Variants in AR observed in about 807,000 individuals in gnomAD.
AR encodes androgen receptor, also known as dihydrotestosterone receptor.
In AR, 8 loss-of-function variants were observed where a neutral mutation model predicts 53.9. That is an observed-to-expected ratio of 0.15 (90% CI 0.09 to 0.27). The LOEUF is 0.27. Ranked by LOEUF, AR falls within the 10% of genes least tolerant of loss-of-function variation. AR has a pLI of 1.00. For missense variants in AR, 639 were observed against 742.5 expected (o/e 0.86, Z 1.62); for synonymous variants, 359 against 316.4 (o/e 1.13, Z -1.43).
chrX:67,682,415 G>A (rs2075940259), intron 2 of AR, among the ~76,000 whole-genome samples: 2 of 110,464 alleles, frequency 1.8e-5, no homozygotes, highest in African/African-American at 6.6e-5. Flanking sequence ...CTCCTGAGTA[G>A]CTGGGAGTAC....
At position 67,628,465 on chromosome X, in the gene AR, G is replaced by A. The variant is rs1484199821; in HGVS notation, c.1617-14791G>A. On this transcript the variant is annotated intron_variant, in intron 1 of 7. Transcript: ENST00000374690. ...TCTGTTATTGGTGTATAAGAATGCT[G>A]TGATTTTTGTACATTGATTTTGTAT... 2.8e-5 allele frequency among the ~76,000 whole-genome samples: 3 copies of A among 107,754 alleles called. No individual in the cohort carries two copies. In the East Asian group the frequency reaches 8.8e-4, roughly 32 times the overall value. 93.6% of individuals were successfully genotyped at this position (107,754 alleles called of 115,157 possible).
chrX:67,688,776 C>T (rs1462838579), intron 3 of AR, among the ~76,000 whole-genome samples: 2 of 111,521 alleles, frequency 1.8e-5, no homozygotes, highest in Non-Finnish European at 3.8e-5. Flanking sequence ...TCCACGTTCC[C>T]TGCCCTACTG....
At chrX:67,657,999 C>T (rs1010306887) in intron 2 of AR, among the ~76,000 whole-genome samples, 4 of 111,627 alleles carry the variant, frequency 3.6e-5, no homozygotes, top group African/African-American at 1.3e-4. Flanking sequence ...ATGAAAGGGC[C>T]CTCTACCTGA....
Position 67,686,054 on chromosome X carries a change from G to C in AR, c.1813G>C (p.Asp605His), listed in dbSNP as rs1266872442. 8.3e-7 allele frequency: 1 copy of C among 1,209,397 alleles called. No homozygotes were observed. The highest frequency in any genetic ancestry group is 1.7e-5 in the African/African-American group (1 of 57,226). Residue 605 changes from aspartate to histidine, a missense_variant, in exon 3 of 8, where the codon GAT becomes CAT. Physicochemically the swap from Asp to His is moderately conservative, Grantham distance 81. Coordinates refer to ENST00000374690, the MANE Select transcript of AR (RefSeq NM_000044.6). Reference sequence around the variant, plus strand: ...CGCCAGCAGAAATGATTGCACTATTGATAAATTCCGAAGGAAAAATTGTCC... The same window carrying C: ...CGCCAGCAGAAATGATTGCACTATTCATAAATTCCGAAGGAAAAATTGTCC... ...LCASRNDCTI[D>H]KFRRKNCPSC...
rs1929727976 is a variant in AR at position 67,546,201 on chromosome X, C to T, written c.1055C>T (p.Ala352Val). ...PSTLSLYKSGALDEAAAYQSR... is the reference protein window; with the variant it reads ...PSTLSLYKSGVLDEAAAYQSR... ...ACCCTGTCTCTCTACAAGTCCGGAG[C>T]ACTGGACGAGGCAGCTGCGTACCAG... Residue 352 changes from alanine (A) to valine (V), a missense_variant, in exon 1 of 8, where the codon GCA becomes GTA. Ala to Val is a moderately conservative substitution (Grantham distance 64). Around this residue, in one of 5 missense-constraint regions of AR, gnomAD observed 423 missense variants for 377.0 expected, o/e 1.12. Transcript: ENST00000374690. 1 of 1,211,961 alleles carries T rather than the reference C, an allele frequency of 8.3e-7. No homozygotes were observed. Among genetic ancestry groups the T allele is most frequent in the Non-Finnish European group, 1.1e-6 (1 of 895,512 alleles).
At chrX:67,620,098 C>CA (rs1924300297) in intron 1 of AR, among the ~76,000 whole-genome samples, 1 of 110,585 alleles carries the variant, frequency 9.0e-6, no homozygotes, top group African/African-American at 3.3e-5. Flanking sequence ...GTCAACATTT[C>CA]ACTGCTACCC....
chrX:67,689,892 C>T, intron 3 of AR: 1 of 210,739 alleles, frequency 4.7e-6, no homozygotes, highest in South Asian at 2.1e-4. Flanking sequence ...GGGTACACTC[C>T]TTGTTTCCAA....
At chrX:67,647,305 G>A (rs557258093) in intron 2 of AR, among the ~76,000 whole-genome samples, 15 of 111,615 alleles carry the variant, frequency 1.3e-4, no homozygotes, top group African/African-American at 4.5e-4. Flanking sequence ...AGTTTCTTTA[G>A]CAAATTTTAT....
At position 67,616,137 on chromosome X, in the gene AR, C is replaced by A. The variant is rs962549352; in HGVS notation, c.1617-27119C>A. Among the ~76,000 whole-genome samples, 13 of 110,873 alleles carry A rather than the reference C, an allele frequency of 1.2e-4. No homozygotes were observed. In the Admixed American group the frequency reaches 1.2e-3, roughly 11 times the overall value. On this transcript the variant is annotated intron_variant, in intron 1 of 7. Coordinates refer to ENST00000374690, the MANE Select transcript of AR (RefSeq NM_000044.6). Reference sequence around the variant, plus strand: ...CAAAGTAATCACTGAGAAAATGATGCAAAAATACAGTTTTAAAAAGTTAAA... The same window carrying A: ...CAAAGTAATCACTGAGAAAATGATGAAAAAATACAGTTTTAAAAAGTTAAA...
rs778472979 is a variant in AR at position 67,546,236 on chromosome X, T to C, written c.1090T>C (p.Tyr364His). Residue 364 changes from tyrosine (Y) to histidine (H), a missense_variant, in exon 1 of 8, where the codon TAC becomes CAC. Tyr to His is a moderately conservative substitution (Grantham distance 83, BLOSUM62 2). Around this residue, in one of 5 missense-constraint regions of AR, gnomAD observed 423 missense variants for 377.0 expected, o/e 1.12. Transcript: ENST00000374690. ...DEAAAYQSRDYYNFPLALAGP... is the reference protein window; with the variant it reads ...DEAAAYQSRDHYNFPLALAGP... The stretch of plus-strand genomic sequence containing the variant: ...GGCAGCTGCGTACCAGAGTCGCGAC[T>C]ACTACAACTTTCCACTGGCTCTGGC... 2.4e-5 allele frequency: 29 copies of C among 1,209,873 alleles called. No individual in the cohort carries two copies. In the South Asian group the frequency reaches 4.9e-4, roughly 21 times the overall value.
At chrX:67,644,143 G>T (rs1268451235) in intron 2 of AR, among the ~76,000 whole-genome samples, 1 of 111,989 alleles carries the variant, frequency 8.9e-6, no homozygotes, top group African/African-American at 3.2e-5. Flanking sequence ...ACCTCTAGAG[G>T]CGCTCAGCCC....
chrX:67,672,160 T>G (rs764409285), intron 2 of AR, among the ~76,000 whole-genome samples: 1 of 111,826 alleles, frequency 8.9e-6, no homozygotes, highest in South Asian at 3.8e-4. Context: ...TATATCACTC[T>G]GTATGTTTTT....
rs561297300 is a variant in AR, at chrX:67,723,004, T to C, written c.2607+20T>C. 4.9e-5 allele frequency: 59 copies of C among 1,208,154 alleles called. 1 individual carries two copies. In the South Asian group the frequency reaches 9.4e-4, roughly 19 times the overall value. On this transcript the variant is annotated intron_variant, in intron 7 of 7. Coordinates refer to ENST00000374690, the MANE Select transcript of AR (RefSeq NM_000044.6). Reference sequence around the variant, plus strand: ...CAGCCTGTAAGCAAACGATGGAGGGTGCTTTATCAGGGAGAACAGCCTGAT... The same window carrying C: ...CAGCCTGTAAGCAAACGATGGAGGGCGCTTTATCAGGGAGAACAGCCTGAT...
At chrX:67,649,180 C>T (rs1039858029) in intron 2 of AR, among the ~76,000 whole-genome samples, 14 of 111,787 alleles carry the variant, frequency 1.3e-4, no homozygotes, top group Non-Finnish European at 1.9e-4. Context: ...CAGCTTCATC[C>T]GTGTCCCTGC....
At chrX:67,714,613 C>T (rs1046279528) in intron 4 of AR, among the ~76,000 whole-genome samples, 3 of 112,005 alleles carry the variant, frequency 2.7e-5, no homozygotes, top group Non-Finnish European at 5.6e-5. Context: ...TGATGTCAAT[C>T]GGATTCTAGT....
chrX:67,669,220 A>C (rs958838910), intron 2 of AR, among the ~76,000 whole-genome samples: 3 of 111,139 alleles, frequency 2.7e-5, no homozygotes, highest in Non-Finnish European at 3.8e-5. Flanking sequence ...TGTATCCCAT[A>C]GGTTTTAGTA....
At chrX:67,716,225 G>T (rs956556739) in intron 4 of AR, among the ~76,000 whole-genome samples, 1 of 112,084 alleles carries the variant, frequency 8.9e-6, no homozygotes, top group South Asian at 3.7e-4. Context: ...CAAGTCTTGT[G>T]GGGGAGACAG....
At chrX:67,623,417 G>C (rs1924471058) in intron 1 of AR, among the ~76,000 whole-genome samples, 1 of 111,508 alleles carries the variant, frequency 9.0e-6, no homozygotes, top group Admixed American at 9.6e-5. Context: ...AAATCATAAG[G>C]GAAATGAGAA....
intron 1 of AR, among the ~76,000 whole-genome samples, chrX:67,556,225 A>G (rs1028531800): frequency 7.1e-5 from 8 of 111,980 alleles, no homozygotes; most frequent in South Asian, 3.7e-4. Flanking sequence ...CATGTTTACA[A>G]TCAAACAGCT....
Sources: allele counts gnomAD v4.1 joint callset (sites outside exome capture counted in the v4.1 genomes callset), GRCh38; gene constraint gnomAD v4.1.1; regional missense constraint gnomAD v4.1.1; transcripts MANE v1.5; gene names NCBI Gene and HGNC (gene_info 2026-07-23, HGNC 2026-07-21).